MUC5AC: variants seen among roughly 807,000 people sequenced by gnomAD.
MUC5AC encodes mucin-5AC.
In MUC5AC, 158 loss-of-function variants were observed where a neutral mutation model predicts 169.7. The observed-to-expected ratio is 0.93, with a 90% CI of 0.82 to 1.06. The LOEUF (loss-of-function observed/expected upper bound fraction) is 1.06. MUC5AC is among the 50% of genes least tolerant of loss of function. The probability of loss-of-function intolerance (pLI) is 0.00; values close to 1 mark genes in which losing one functional copy is unlikely to be tolerated. For missense variants in MUC5AC, 4,359 were observed against 3,089.9 expected (o/e 1.41, Z -9.74); for synonymous variants, 1,975 against 1,237.0 (o/e 1.60, Z -12.52).
intron 19 of MUC5AC, among the ~76,000 whole-genome samples, chr11:1,175,660 A>C (rs1410081005): frequency 1.6e-5 from 1 of 61,462 alleles, no homozygotes; most frequent in Non-Finnish European, 3.4e-5. Flanking sequence ...ACCCACTCAT[A>C]CACACGCACT....
At chr11:1,198,048 G>A (rs1861329911) in intron 42 of MUC5AC, 44 bp downstream of exon 42, 2 of 640,352 alleles carry the variant, frequency 3.1e-6, no homozygotes, top group African/African-American at 1.8e-5. Flanking sequence ...GTGGGCTGGG[G>A]TCTCCACCTG....
In MUC5AC at chr11:1,184,848, G is replaced by A; in HGVS notation, c.6703G>A (p.Gly2235Arg). Residue 2235 changes from glycine to arginine, a missense_variant, in exon 31 of 49, where the codon GGG (glycine) becomes AGG (arginine). Gly to Arg is a moderately radical substitution (Grantham distance 125). Transcript: ENST00000621226. ...TPVTAPSTPS[G>R]RATSPTQSTS... ...TGTGACAGCTCCTAGCACCCCTAGT[G>A]GGAGAGCCACCAGCCCAACTCAGAG... 1.6e-6 allele frequency: 1 copy of A among 638,140 alleles called. No homozygotes were observed. The highest frequency in any genetic ancestry group is 2.8e-6 in the Non-Finnish European group (1 of 357,174). The allele number at this position is 638,140 out of a possible 1,614,324, so 39.5% of individuals were successfully genotyped here. A position where few individuals can be genotyped will look rare whatever the true frequency, so the allele number is the denominator to read the frequency against.
chr11:1,177,716 G>A (rs1489496555), intron 24 of MUC5AC, 83 bp downstream of exon 24: 3 of 398,132 alleles, frequency 7.5e-6, no homozygotes, highest in African/African-American at 2.1e-5. Flanking sequence ...AGAGACGAGA[G>A]GCACAGAGAC....
chr11:1,163,955 T>C lies in MUC5AC; in HGVS notation c.753T>C (p.Pro251=), dbSNP rs1021626863. The stretch of plus-strand genomic sequence containing the variant: ...ACCCCACGGACCAGTGTCAGGACCC[T>C]GTCCCTGAACCCCCGAGGAACTGCT... ...MDDPTDQCQD[P]VPEPPRNCST... Residue 251 remains proline (P), a synonymous_variant, in exon 7 of 49, where the codon CCT becomes CCC. Transcript: ENST00000621226. 6.2e-7 allele frequency: 1 copy of C among 1,611,398 alleles called. No homozygotes were observed. The highest frequency in any genetic ancestry group is 1.3e-5 in the African/African-American group (1 of 74,990).
chr11:1,167,408 G>A (rs1002327573), intron 11 of MUC5AC, among the ~76,000 whole-genome samples: 13 of 152,208 alleles, frequency 8.5e-5, no homozygotes, highest in Non-Finnish European at 1.5e-5. Flanking sequence ...ATGATACCCT[G>A]CGCTGGGGTG....
chr11:1,174,858 T>A (rs1429669476), intron 17 of MUC5AC, 24 bp from the exon 18 acceptor site: 2 of 417,200 alleles, frequency 4.8e-6, no homozygotes, highest in Non-Finnish European at 4.2e-6. Context: ...GTCCTGAGAA[T>A]CCCCTCTTCC....
At chr11:1,171,920 C>CACTCACTCACCT (rs1181886461) in intron 15 of MUC5AC, among the ~76,000 whole-genome samples, 2 of 150,698 alleles carry the variant, frequency 1.3e-5, no homozygotes, top group South Asian at 2.1e-4. Flanking sequence ...CTCACCTACT[C>CACTCACTCACCT]ACTCACTCAC....
At chr11:1,193,222 C>T (rs1334250524) in intron 32 of MUC5AC, among the ~76,000 whole-genome samples, 1 of 152,190 alleles carries the variant, frequency 6.6e-6, no homozygotes, top group Non-Finnish European at 1.5e-5. Context: ...GTGCTGAGGA[C>T]AGCCAGGGCC....
At chr11:1,200,368 G>A in intron 48 of MUC5AC, 70 bp from the exon 49 acceptor site, 1 of 624,130 alleles carries the variant, frequency 1.6e-6, no homozygotes, top group South Asian at 1.8e-5. Flanking sequence ...CCAGAGCTCG[G>A]CACGGCGCCG....
chr11:1,189,169 C>T lies in MUC5AC; in HGVS notation c.11024C>T (p.Ala3675Val). The T allele has an allele frequency of 1.7e-6, 1 of 598,632 alleles. No homozygotes were observed. The highest frequency in any genetic ancestry group is 3.0e-6 in the Non-Finnish European group (1 of 335,786). The allele number at this position is 598,632 out of a possible 1,614,324, so 37.1% of individuals were successfully genotyped here. A position where few individuals can be genotyped will look rare whatever the true frequency, so the allele number is the denominator to read the frequency against. The change falls in exon 31 of 49, where the codon GCC (alanine) becomes GTC (valine). Residue 3675 changes from alanine (A) to valine (V), a missense_variant. Ala to Val is a moderately conservative substitution (Grantham distance 64). Transcript: ENST00000621226. The stretch of plus-strand genomic sequence containing the variant: ...ACTACACAGACCAGCACAACCTCTG[C>T]CCCTACAACTAGCACAACCCCTGCT... ...TSTTQTSTTS[A>V]PTTSTTPASI... is the part of the protein sequence containing the mutation.
chr11:1,163,807 G>C (rs780144017), intron 6 of MUC5AC, 75 bp from the exon 7 acceptor site: 1 of 1,215,710 alleles, frequency 8.2e-7, no homozygotes, highest in Non-Finnish European at 1.2e-6. Context: ...CCGGCCCTGG[G>C]GGCTCTGCTG....
chr11:1,177,631 A>G lies in MUC5AC; in HGVS notation c.3085A>G (p.Lys1029Glu). The change falls in exon 24 of 49, where the codon AAG (lysine) becomes GAG (glutamate). Residue 1029 changes from lysine (K) to glutamate (E), a missense_variant and splice_region_variant. By Grantham distance (56) the Lys-to-Glu change is moderately conservative. Transcript: ENST00000621226. ...CTTCATCAACCTCAGCCCCGAGTTC[A>G]AGGTGAGACCACGCCCCTCGTCCAG... is the stretch of plus-strand genomic sequence containing the variant. ...SIFINLSPEF[K>E]GRVCGLCGNF... 2.5e-6 allele frequency: 1 copy of G among 398,696 alleles called. No homozygotes were observed. 24.7% of individuals were successfully genotyped at this position (398,696 alleles called of 1,614,324 possible). A position where few individuals can be genotyped will look rare whatever the true frequency, so the allele number is the denominator to read the frequency against.
In MUC5AC at chr11:1,189,730, G is replaced by A; in HGVS notation, c.11585G>A (p.Ser3862Asn). The change falls in exon 31 of 49, where the codon AGC becomes AAC. Residue 3862 changes from serine (S) to asparagine (N), a missense_variant. Ser to Asn is a conservative substitution (Grantham distance 46, BLOSUM62 1). Transcript: ENST00000621226. ...AGCATATCCTCTGCCCCTACAAGCA[G>A]CACAACCTCTGCTCCTACAGCCAGC... The part of the protein sequence containing the change: ...QTSISSAPTS[S>N]TTSAPTASTI... The A allele has an allele frequency of 1.5e-6, 1 of 649,376 alleles. No individual in the cohort carries two copies. The highest frequency in any genetic ancestry group is 2.7e-5 in the East Asian group (1 of 37,068). 40.2% of individuals were successfully genotyped at this position (649,376 alleles called of 1,614,324 possible).
intron 36 of MUC5AC, 109 bp downstream of exon 36, chr11:1,195,388 C>T (rs942646497): frequency 5.3e-5 from 32 of 607,678 alleles, no homozygotes; most frequent in East Asian, 1.2e-4. Flanking sequence ...TGAGAGGAAA[C>T]GAGAGCTGCT....
At chr11:1,194,000 A>G in intron 33 of MUC5AC, 110 bp from the exon 34 acceptor site, 1 of 684,632 alleles carries the variant, frequency 1.5e-6, no homozygotes, top group South Asian at 1.6e-5. Context: ...GCGCCCTGTG[A>G]GATGAGACGG....
rs1466130686 is a variant in MUC5AC at position 1,162,421 on chromosome 11, G to A, written c.474-111G>A. 13 of 1,098,158 alleles carry A rather than the reference G, an allele frequency of 1.2e-5. No homozygotes were observed. The East Asian group carries it at 2.1e-4, about 17-fold the overall frequency. 68.0% of individuals were successfully genotyped at this position (1,098,158 alleles called of 1,614,324 possible). A position where few individuals can be genotyped will look rare whatever the true frequency, so the allele number is the denominator to read the frequency against. ...AGAGGTCAATGTCCCCATCCCAGAC[G>A]CGACTTCACGGTCACGATGACCGTG... On this transcript the variant is annotated intron_variant, in intron 4 of 48. Coordinates refer to ENST00000621226, the MANE Select transcript of MUC5AC (RefSeq NM_001304359.2).
Position 1,192,820 on chromosome 11 carries a change from T to C in MUC5AC, c.14418T>C (p.His4806=), listed in dbSNP as rs145420729. ...ACCGCCACAGAGACCTCGCTGGCCATTGCTATTATGCCCTGTGTAGCCAGG... is the reference window on the plus strand; with the variant it reads ...ACCGCCACAGAGACCTCGCTGGCCACTGCTATTATGCCCTGTGTAGCCAGG... ...TIYRHRDLAG[H]CYYALCSQDC... Residue 4806 remains histidine (H), a synonymous_variant, in exon 32 of 49, where the codon CAT becomes CAC. Transcript: ENST00000621226. 8.4e-4 allele frequency: 641 copies of C among 763,880 alleles called. 6 individuals carry two copies. In the African/African-American group the frequency reaches 9.3e-3, roughly 11 times the overall value. 47.3% of individuals were successfully genotyped at this position (763,880 alleles called of 1,614,324 possible). A position where few individuals can be genotyped will look rare whatever the true frequency, so the allele number is the denominator to read the frequency against.
intron 11 of MUC5AC, among the ~76,000 whole-genome samples, chr11:1,166,755 A>G (rs1488913191): frequency 3.3e-5 from 1 of 30,194 alleles, no homozygotes; most frequent in Non-Finnish European, 6.4e-5. Context: ...CCCTGCACCC[A>G]ACACACAGTC....
rs1554928325 is a variant in MUC5AC, at chr11:1,187,685, A to C, written c.9540A>C (p.Thr3180=). 1 of 764,910 alleles carries C rather than the reference A, an allele frequency of 1.3e-6. No individual in the cohort carries two copies. Among genetic ancestry groups the C allele is most frequent in the African/African-American group, 1.7e-5 (1 of 59,082 alleles). 47.4% of individuals were successfully genotyped at this position (764,910 alleles called of 1,614,324 possible). Residue 3180 remains threonine, a synonymous_variant, in exon 31 of 49, where the codon ACA becomes ACC. Transcript: ENST00000621226. ...CCACTTCTGCCTCTACAACCAGCAC[A>C]ACCCCTGGTCCTGGAACCACTCCCA... ...TSTTSASTTS[T]TPGPGTTPSP...
Sources: allele counts gnomAD v4.1 joint callset (sites outside exome capture counted in the v4.1 genomes callset), GRCh38; gene constraint gnomAD v4.1.1; transcripts MANE v1.5; gene names NCBI Gene and HGNC (gene_info 2026-07-23, HGNC 2026-07-21).